RNF182: variants seen among roughly 807,000 people sequenced by gnomAD.
RNF182 encodes ring finger protein 182, also known as E3 ubiquitin-protein ligase RNF182.
Under a neutral mutation model 14.4 loss-of-function variants are expected in RNF182, and 15 were observed. The ratio of observed to expected loss-of-function variants is 1.04; its 90% CI spans 0.70 to 1.60. RNF182 has a LOEUF of 1.60. Among genes scored for constraint, RNF182 ranks in the 40% most tolerant of loss-of-function variants. RNF182 has a pLI of 0.00. For missense variants in RNF182, 268 were observed against 294.8 expected (o/e 0.91, Z 0.67); for synonymous variants, 128 against 122.9 (o/e 1.04, Z -0.27).
chr6:13,926,257 A>G (rs1646856775), intron 1 of RNF182, among the ~76,000 whole-genome samples: 2 of 152,352 alleles, frequency 1.3e-5, no homozygotes, highest in Admixed American at 1.3e-4. Flanking sequence ...GTAATTAATG[A>G]AAACAGTACC....
chr6:13,972,756 A>G (rs1447436266), intron 1 of RNF182, among the ~76,000 whole-genome samples: 1 of 152,078 alleles, frequency 6.6e-6, no homozygotes, highest in African/African-American at 2.4e-5. Flanking sequence ...ATTTCAGAGG[A>G]TGTATGGAAA....
At chr6:13,947,341 C>G (rs752957817) in intron 1 of RNF182, among the ~76,000 whole-genome samples, 1 of 152,102 alleles carries the variant, frequency 6.6e-6, no homozygotes, top group Non-Finnish European at 1.5e-5. Flanking sequence ...TCTCTCCAGT[C>G]CCTATTTTTA....
chr6:13,977,705 TCCTTAC>T lies in RNF182; in HGVS notation c.592_597del (p.Pro198_Leu199del). ...GTTGCTAGGTTTGCTCTACTTCAGC[TCCTTAC>T]CCTTAGGAATCTACTTACTGGTGTC... On this transcript the variant is annotated inframe_deletion, in exon 3 of 3. Transcript: ENST00000488300. The T allele has an allele frequency of 6.2e-7, 1 of 1,614,170 alleles. No homozygotes were observed. Among genetic ancestry groups the T allele is most frequent in the Non-Finnish European group, 8.5e-7 (1 of 1,180,018 alleles).
rs548129396 is a variant in RNF182, at chr6:13,974,084, T to C, written c.-366-126T>C. On this transcript the variant is annotated intron_variant, in intron 1 of 2. Transcript: ENST00000488300. ...GAAAGGTTTAGATTTTTGGTTATTA[T>C]TCAAGTTCTTTGAGGGATCTTAAAA... The C allele has an allele frequency of 7.2e-4, 110 of 152,346 alleles. 1 individual carries two copies. Among genetic ancestry groups the C allele is most frequent in the African/African-American group, 2.6e-3 (107 of 41,578 alleles). 9.4% of individuals were successfully genotyped at this position (152,346 alleles called of 1,614,324 possible).
At chr6:13,969,930 T>C (rs1424035134) in intron 1 of RNF182, among the ~76,000 whole-genome samples, 1 of 152,208 alleles carries the variant, frequency 6.6e-6, no homozygotes, top group Non-Finnish European at 1.5e-5. Flanking sequence ...CCAGATTCTT[T>C]CCTCAGTGTC....
chr6:13,969,105 T>TTTTTTGTTG (rs139798081), intron 1 of RNF182, among the ~76,000 whole-genome samples: 77 of 151,170 alleles, frequency 5.1e-4, no homozygotes, highest in African/African-American at 1.7e-3. Flanking sequence ...GTCTCTGTTT[T>TTTTTTGTTG]TTGTTGTTGT....
At position 13,979,816 on chromosome 6, in the gene RNF182, C is replaced by G. The variant is rs970570633; in HGVS notation, c.*1953C>G. On this transcript the variant is annotated 3_prime_UTR_variant, in exon 3 of 3. Coordinates refer to ENST00000488300, the MANE Select transcript of RNF182 (RefSeq NM_152737.4). ...TGTGTTTTGCTTCTCTGTATAATGTCTACAGTGATAAACTTGTGTCTCCGT... is the reference window on the plus strand; with the variant it reads ...TGTGTTTTGCTTCTCTGTATAATGTGTACAGTGATAAACTTGTGTCTCCGT... 1 of 166,950 alleles carries G rather than the reference C, an allele frequency of 6.0e-6. No homozygotes were observed. Among genetic ancestry groups the G allele is most frequent in the Non-Finnish European group, 1.5e-5 (1 of 68,102 alleles). 10.3% of individuals were successfully genotyped at this position (166,950 alleles called of 1,614,324 possible).
intron 2 of RNF182, among the ~76,000 whole-genome samples, chr6:13,976,708 G>T (rs999278366): frequency 6.6e-6 from 1 of 152,182 alleles, no homozygotes; most frequent in Admixed American, 6.5e-5. Flanking sequence ...TCACTATCAT[G>T]CTTGTTGACT....
rs57502789 is a variant in RNF182 at position 13,969,105 on chromosome 6, T to TTTGTTG, written c.-366-5081_-366-5076dup. On this transcript the variant is annotated intron_variant, in intron 1 of 2. Transcript: ENST00000488300. ...GGTCTCATCAGGCTTGTCTCTGTTT[T>TTTGTTG]TTGTTGTTGTTGTTGTTGTTGTTGT... Among the ~76,000 whole-genome samples, 1,061 of 151,168 alleles carry TTTGTTG rather than the reference T, an allele frequency of 7.0e-3. 38 individuals carry two copies. The East Asian group carries it at 0.12, about 17-fold the overall frequency.
chr6:13,940,628 T>C (rs1310338286), intron 1 of RNF182, among the ~76,000 whole-genome samples: 2 of 152,164 alleles, frequency 1.3e-5, no homozygotes, highest in Non-Finnish European at 2.9e-5. Flanking sequence ...GTTTGTTCTT[T>C]CCTAATATTT....
Position 13,978,658 on chromosome 6 carries a change from C to G in RNF182, c.*795C>G, listed in dbSNP as rs1760412053. ...GATGAAAACCTTCATTTGAGTCTTT[C>G]CTTATAACATCTTAGTTTTGGTTTT... On this transcript the variant is annotated 3_prime_UTR_variant, in exon 3 of 3. Transcript: ENST00000488300. The G allele has an allele frequency of 6.0e-6, 1 of 167,034 alleles. No homozygotes were observed. Among genetic ancestry groups the G allele is most frequent in the South Asian group, 2.1e-4 (1 of 4,826 alleles). The allele number at this position is 167,034 out of a possible 1,614,324, so 10.3% of individuals were successfully genotyped here. A position where few individuals can be genotyped will look rare whatever the true frequency, so the allele number is the denominator to read the frequency against.
At chr6:13,951,151 C>T (rs1326851338) in intron 1 of RNF182, among the ~76,000 whole-genome samples, 1 of 152,186 alleles carries the variant, frequency 6.6e-6, no homozygotes, top group Non-Finnish European at 1.5e-5. Context: ...AAACATCACA[C>T]ACACAACACA....
intron 1 of RNF182, among the ~76,000 whole-genome samples, chr6:13,970,974 A>G (rs1290784622): frequency 6.6e-6 from 1 of 152,134 alleles, no homozygotes; most frequent in African/African-American, 2.4e-5. Flanking sequence ...ACACTAGTAC[A>G]GAAGACGTAC....
chr6:13,958,605 G>A (rs1759787808), intron 1 of RNF182, among the ~76,000 whole-genome samples: 1 of 152,088 alleles, frequency 6.6e-6, no homozygotes, highest in Admixed American at 6.6e-5. Flanking sequence ...CTTATGATAG[G>A]TGCTTGTGCT....
At chr6:13,954,887 G>GT (rs1413920962) in intron 1 of RNF182, among the ~76,000 whole-genome samples, 6 of 152,302 alleles carry the variant, frequency 3.9e-5, no homozygotes, top group African/African-American at 1.4e-4. Flanking sequence ...AAGAAGGCCT[G>GT]TGAAGGTGGA....
chr6:13,977,687 G>T lies in RNF182; in HGVS notation c.568G>T (p.Gly190Cys). Reference protein sequence around the residue: ...TSIRVLVWLLGLLYFSSLPLG... With the variant: ...TSIRVLVWLLCLLYFSSLPLG... ...CATCCGGGTGTTAGTGTGGTTGCTAGGTTTGCTCTACTTCAGCTCCTTACC... is the reference window on the plus strand; with the variant it reads ...CATCCGGGTGTTAGTGTGGTTGCTATGTTTGCTCTACTTCAGCTCCTTACC... Residue 190 changes from glycine to cysteine, a missense_variant, in exon 3 of 3, where the codon GGT becomes TGT. Transcript: ENST00000488300. 6.2e-7 allele frequency: 1 copy of T among 1,614,126 alleles called. No individual in the cohort carries two copies. Among genetic ancestry groups the T allele is most frequent in the African/African-American group, 1.3e-5 (1 of 75,020 alleles).
At chr6:13,970,557 A>AT (rs1188221506) in intron 1 of RNF182, among the ~76,000 whole-genome samples, 6 of 152,194 alleles carry the variant, frequency 3.9e-5, no homozygotes, top group Non-Finnish European at 4.4e-5. Context: ...ATGGGGGTGC[A>AT]TGTATCCCTT....
At chr6:13,973,941 C>T (rs1760259780) in intron 1 of RNF182, among the ~76,000 whole-genome samples, 1 of 152,136 alleles carries the variant, frequency 6.6e-6, no homozygotes, top group South Asian at 2.1e-4. Flanking sequence ...ACCTGGCTTT[C>T]ACTGAACATC....
chr6:13,965,838 A>G (rs1760010142), intron 1 of RNF182, among the ~76,000 whole-genome samples: 3 of 152,218 alleles, frequency 2.0e-5, no homozygotes, highest in Admixed American at 2.0e-4. Context: ...CTGACAGACT[A>G]AAACCGAGGG....
Sources: gnomAD v4.1 joint callset for allele counts (sites outside exome capture counted in the v4.1 genomes callset) on GRCh38, gnomAD v4.1.1 for gene constraint, MANE v1.5 for transcripts, NCBI Gene and HGNC (gene_info 2026-07-23, HGNC 2026-07-21) for gene names.